Variants in MYO16 observed in about 807,000 individuals in gnomAD.
The protein encoded by MYO16 is unconventional myosin-XVI.
Under a neutral mutation model 205.3 loss-of-function variants are expected in MYO16, and 94 were observed. The ratio of observed to expected loss-of-function variants is 0.46; its 90% CI spans 0.39 to 0.54. The LOEUF (loss-of-function observed/expected upper bound fraction) is 0.54, where lower values mean the gene tolerates loss of function less well. Ranked by LOEUF, MYO16 falls within the 20% of genes least tolerant of loss-of-function variation. The probability of loss-of-function intolerance (pLI) is 0.00; values close to 1 mark genes in which losing one functional copy is unlikely to be tolerated. For synonymous variants in MYO16, 988 were observed against 954.0 expected, an observed-to-expected ratio of 1.04 and a Z score of -0.66; for missense variants, 2,315 against 2,387.5, an observed-to-expected ratio of 0.97 and a Z score of 0.63.
At chr13:109,085,973 G>A (rs1044499320) in intron 27 of MYO16, among the ~76,000 whole-genome samples, 11 of 152,092 alleles carry the variant, frequency 7.2e-5, no homozygotes, top group African/African-American at 2.4e-4. Flanking sequence ...TGATAAAGTG[G>A]GGTGCCCAAA....
At chr13:109,083,661 T>G (rs1725039929) in intron 27 of MYO16, among the ~76,000 whole-genome samples, 1 of 152,200 alleles carries the variant, frequency 6.6e-6, no homozygotes, top group African/African-American at 2.4e-5. Context: ...TACTTAATGC[T>G]GGCTGGATAC....
intron 1 of MYO16, among the ~76,000 whole-genome samples, chr13:108,645,114 C>T (rs1880693373): frequency 6.6e-6 from 1 of 152,130 alleles, no homozygotes; most frequent in Non-Finnish European, 1.5e-5. Context: ...GTCTTCCTTA[C>T]TCATGATGAG....
intron 23 of MYO16, among the ~76,000 whole-genome samples, chr13:109,035,173 A>T (rs1886677319): frequency 1.3e-5 from 2 of 152,138 alleles, no homozygotes; most frequent in Admixed American, 6.5e-5. Flanking sequence ...TTTTTGAAAA[A>T]TCCTGCACTT....
intron 10 of MYO16, among the ~76,000 whole-genome samples, chr13:108,849,347 C>G (rs902158604): frequency 5.9e-5 from 9 of 151,988 alleles, no homozygotes; most frequent in East Asian, 5.8e-4. Context: ...CCTGCCACCA[C>G]GCCCAGCTAA....
chr13:109,079,594 A>G (rs1425346380), intron 27 of MYO16, among the ~76,000 whole-genome samples: 3 of 152,122 alleles, frequency 2.0e-5, no homozygotes, highest in Non-Finnish European at 4.4e-5. Context: ...TATGGGAACA[A>G]CAAGCACCGC....
intron 16 of MYO16, among the ~76,000 whole-genome samples, chr13:108,947,561 G>GGTGT (rs1039349766): frequency 1.3e-5 from 2 of 152,150 alleles, no homozygotes; most frequent in African/African-American, 2.4e-5. Context: ...AGCAGTTCTG[G>GGTGT]GTGTGTGTTT....
intron 27 of MYO16, among the ~76,000 whole-genome samples, chr13:109,070,452 A>C (rs1887890012): frequency 6.6e-6 from 1 of 152,214 alleles, no homozygotes; most frequent in South Asian, 2.1e-4. Flanking sequence ...TCTTAGGTGT[A>C]ATGTTTATTG....
At chr13:108,782,289 C>T (rs146702740) in intron 4 of MYO16, among the ~76,000 whole-genome samples, 1,640 of 152,220 alleles carry the variant, frequency 0.011, 16 homozygotes, top group Non-Finnish European at 0.019. Context: ...ACTCTTGTTA[C>T]GTTTTAGCAA....
rs1290580855 is a variant in MYO16, at chr13:108,847,871, ACTT to A, written c.1248+3382_1248+3384del. The stretch of plus-strand genomic sequence containing the variant: ...TTTTCATTTTTTTCTTGGTTCCCTA[ACTT>A]CTTATTTTCCCTCTTTCCTCTCTTT... On this transcript the variant is annotated intron_variant, in intron 10 of 34. Coordinates refer to ENST00000457511, the MANE Select transcript of MYO16 (RefSeq NM_001198950.3). Among the ~76,000 whole-genome samples the A allele has an allele frequency of 2.6e-5, 4 of 152,050 alleles. No individual in the cohort carries two copies. The East Asian group carries it at 7.7e-4, about 29-fold the overall frequency.
At chr13:108,618,708 G>A (rs942061946) in intron 1 of MYO16, among the ~76,000 whole-genome samples, 3 of 152,166 alleles carry the variant, frequency 2.0e-5, no homozygotes, top group Admixed American at 6.5e-5. Flanking sequence ...GTTGTTGAAT[G>A]AGTGAATGTA....
At chr13:109,165,356 A>G (rs181255749) in intron 33 of MYO16, among the ~76,000 whole-genome samples, 14 of 152,326 alleles carry the variant, frequency 9.2e-5, no homozygotes, top group Non-Finnish European at 1.8e-4. Flanking sequence ...TTCTCTACCA[A>G]TATTTTTAAT....
At chr13:108,546,693 C>T in the MYO16 span, among the ~76,000 whole-genome samples, 1 of 152,098 alleles carries the variant, frequency 6.6e-6, no homozygotes, top group Non-Finnish European at 1.5e-5. Flanking sequence ...ATACAGAATG[C>T]CATGGTCCTC....
intron 12 of MYO16, among the ~76,000 whole-genome samples, chr13:108,880,950 G>T (rs916940491): frequency 2.6e-5 from 4 of 152,134 alleles, no homozygotes; most frequent in African/African-American, 9.7e-5. Context: ...AAATTACCTT[G>T]GGCATGGAGT....
At chr13:109,164,425 G>T (rs1200949772) in intron 32 of MYO16, among the ~76,000 whole-genome samples, 1 of 152,160 alleles carries the variant, frequency 6.6e-6, no homozygotes, top group East Asian at 1.9e-4. Context: ...CGGAAGTCGA[G>T]TATTGAAGTT....
chr13:108,696,937 T>C (rs1883113699), intron 2 of MYO16, among the ~76,000 whole-genome samples: 1 of 149,984 alleles, frequency 6.7e-6, no homozygotes, highest in Admixed American at 6.7e-5. Flanking sequence ...GGCCATGTAA[T>C]ACTTTGCTCT....
chr13:108,720,271 G>A (rs1436669847), intron 3 of MYO16, among the ~76,000 whole-genome samples: 1 of 152,164 alleles, frequency 6.6e-6, no homozygotes, highest in Non-Finnish European at 1.5e-5. Flanking sequence ...TCAAGCACAG[G>A]CTGAAAGGGC....
At chr13:108,874,922 G>C (rs534186610) in intron 12 of MYO16, among the ~76,000 whole-genome samples, 11 of 152,186 alleles carry the variant, frequency 7.2e-5, no homozygotes, top group Admixed American at 3.9e-4. Flanking sequence ...AAGTTTCTAG[G>C]CTCGCCAGAG....
intron 4 of MYO16, among the ~76,000 whole-genome samples, chr13:108,741,792 C>T (rs1327955159): frequency 1.3e-5 from 2 of 152,086 alleles, no homozygotes; most frequent in East Asian, 1.9e-4. Context: ...GTCATTGAAG[C>T]CCAGTATACT....
At chr13:108,743,386 AT>A (rs1049387116) in intron 4 of MYO16, among the ~76,000 whole-genome samples, 1 of 152,226 alleles carries the variant, frequency 6.6e-6, no homozygotes, top group African/African-American at 2.4e-5. Context: ...ACAAAATATT[AT>A]TTTAAGTAGT....
Sources: gnomAD v4.1 joint callset for allele counts (sites outside exome capture counted in the v4.1 genomes callset) on GRCh38, gnomAD v4.1.1 for gene constraint, MANE v1.5 for transcripts, NCBI Gene and HGNC (gene_info 2026-07-23, HGNC 2026-07-21) for gene names.